OR6J1: variants seen among roughly 807,000 people sequenced by gnomAD.
The protein encoded by OR6J1 is olfactory receptor 6J1.
For missense variants in OR6J1, 304 were observed against 166.8 expected, an observed-to-expected ratio of 1.82 and a Z score of -4.53; for synonymous variants, 109 against 70.0, an observed-to-expected ratio of 1.56 and a Z score of -2.78.
In OR6J1 at chr14:22,634,165, G is replaced by GC; in HGVS notation, c.646_647insG (p.Ser216CysfsTer23). The GC allele has an allele frequency of 5.7e-6, 4 of 703,464 alleles. No homozygotes were observed. The highest frequency in any genetic ancestry group is 1.0e-5 in the Non-Finnish European group (4 of 384,990). The allele number at this position is 703,464 out of a possible 1,614,324, so 43.6% of individuals were successfully genotyped here. A position where few individuals can be genotyped will look rare whatever the true frequency, so the allele number is the denominator to read the frequency against. On this transcript the variant is annotated frameshift_variant, in exon 2 of 2. Coordinates refer to ENST00000540461, the MANE Select transcript of OR6J1 (RefSeq NM_001348233.2). LOFTEE classifies it low-confidence loss of function (END_TRUNC). ...TATGGTCAAGATGATGTACGTATAG[G>GC]AATAGGCCACGAGGACTATGCAGCA...
rs2037568870 is a variant in OR6J1, at chr14:22,634,387, C to T, written c.425G>A (p.Gly142Glu). The change falls in exon 2 of 2, where the codon GGG (glycine) becomes GAG (glutamate). Residue 142 changes from glycine to glutamate, a missense_variant. Gly to Glu is a moderately conservative substitution (Grantham distance 98, BLOSUM62 -2). Transcript: ENST00000540461. The stretch of plus-strand genomic sequence containing the variant: ...TCCCACCCAAGAGAATACAACGGTC[C>T]CAATGCAGACAGAAGGTCTCATGAT... ...TTIMRPSVCI[G>E]TVVFSWVGGF... The T allele has an allele frequency of 1.4e-6, 1 of 703,286 alleles. No homozygotes were observed. The highest frequency in any genetic ancestry group is 1.7e-5 in the African/African-American group (1 of 57,314). The allele number at this position is 703,286 out of a possible 1,614,324, so 43.6% of individuals were successfully genotyped here.
At chr14:22,643,764 C>CACACACACACACAGAG (rs1466950724) in intron 1 of OR6J1, among the ~76,000 whole-genome samples, 8 of 37,692 alleles carry the variant, frequency 2.1e-4, no homozygotes, top group Non-Finnish European at 2.5e-4. Context: ...CACACACACA[C>CACACACACACACAGAG]AGAGAGAGAG....
chr14:22,642,309 A>C, intron 1 of OR6J1, among the ~76,000 whole-genome samples: 1 of 130,218 alleles, frequency 7.7e-6, no homozygotes, highest in Non-Finnish European at 1.6e-5. Flanking sequence ...CAATCAACTT[A>C]AGAATATATA....
intron 1 of OR6J1, among the ~76,000 whole-genome samples, chr14:22,641,302 G>A (rs192066254): frequency 9.3e-5 from 5 of 53,652 alleles, no homozygotes; most frequent in Admixed American, 2.6e-4. Flanking sequence ...AAGAGAGACA[G>A]AGAGGAAAGA....
At position 22,633,979 on chromosome 14, in the gene OR6J1, C is replaced by G; in HGVS notation, c.833G>C (p.Ser278Thr). 1 of 702,880 alleles carries G rather than the reference C, an allele frequency of 1.4e-6. No homozygotes were observed. Among genetic ancestry groups the G allele is most frequent in the Non-Finnish European group, 2.6e-6 (1 of 384,846 alleles). 43.5% of individuals were successfully genotyped at this position (702,880 alleles called of 1,614,324 possible). The change falls in exon 2 of 2, where the codon AGT becomes ACT. Residue 278 changes from serine (S) to threonine (T), a missense_variant. Transcript: ENST00000540461. ...EINKIPLVLS[S>T]VVTPFLNPFI... is the part of the protein sequence containing the mutation. The stretch of plus-strand genomic sequence containing the variant: ...GGGGTTGAGGAATGGAGTCACCACA[C>G]TGCTCAGAACCAAAGGGATCTTGTT...
At chr14:22,636,277 T>C (rs1251952725) in intron 1 of OR6J1, among the ~76,000 whole-genome samples, 1 of 12 alleles carries the variant, frequency 0.083, no homozygotes, top group Non-Finnish European at 0.12. Flanking sequence ...TCCCTCTCCC[T>C]CTCCCTCTCC....
intron 1 of OR6J1, among the ~76,000 whole-genome samples, chr14:22,637,968 G>A (rs1278950691): frequency 1.1e-5 from 1 of 94,730 alleles, no homozygotes; most frequent in Non-Finnish European, 2.0e-5. Context: ...CTGCCCGGCC[G>A]CCCCTACTGG....
rs1262118673 is a variant in OR6J1 at position 22,636,887 on chromosome 14, A to G, written c.-27-2049T>C. Among the ~76,000 whole-genome samples, 17 of 116,890 alleles carry G rather than the reference A, an allele frequency of 1.5e-4. 1 individual carries two copies. The South Asian group carries it at 3.2e-3, about 22-fold the overall frequency. 76.7% of individuals were successfully genotyped at this position (116,890 alleles called of 152,430 possible). On this transcript the variant is annotated intron_variant, in intron 1 of 1. Transcript: ENST00000540461. ...TGCTTGGCCACCCATCGTCTGGGAT[A>G]TGAGGAGCCTCTCTGCCTGGCTGCC...
At chr14:22,639,848 G>C (rs1254326910) in intron 1 of OR6J1, among the ~76,000 whole-genome samples, 1 of 117,796 alleles carries the variant, frequency 8.5e-6, no homozygotes, top group African/African-American at 4.2e-5. Context: ...CAAACACTGC[G>C]GAAGGCCGCA....
intron 1 of OR6J1, among the ~76,000 whole-genome samples, chr14:22,639,048 G>A (rs1275245518): frequency 2.1e-5 from 2 of 96,128 alleles, no homozygotes; most frequent in South Asian, 3.2e-4. Context: ...GTCTCTGCCC[G>A]GCCGCCCCGT....
chr14:22,636,857 G>C lies in OR6J1; in HGVS notation c.-27-2019C>G, dbSNP rs1295763252. Among the ~76,000 whole-genome samples, 143 of 116,944 alleles carry C rather than the reference G, an allele frequency of 1.2e-3. 4 individuals carry two copies. Among genetic ancestry groups the C allele is most frequent in the Admixed American group, 2.5e-3 (32 of 12,942 alleles). The allele number at this position is 116,944 out of a possible 152,430, so 76.7% of individuals were successfully genotyped here. On this transcript the variant is annotated intron_variant, in intron 1 of 1. Coordinates refer to ENST00000540461, the MANE Select transcript of OR6J1 (RefSeq NM_001348233.2). ...CCACCCCGTCTGGGAAGTGAGGAGC[G>C]TCTCTGCTTGGCCACCCATCGTCTG...
Position 22,638,656 on chromosome 14 carries a change from A to T in OR6J1, c.-27-3818T>A, listed in dbSNP as rs1309196552. The stretch of plus-strand genomic sequence containing the variant: ...ACACCCAAGAATGATCAATAAAAAA[A>T]ATAAAAATAAAAAAAAAATAAAAAA... On this transcript the variant is annotated intron_variant, in intron 1 of 1. Transcript: ENST00000540461. Among the ~76,000 whole-genome samples the T allele has an allele frequency of 1.2e-3, 127 of 105,140 alleles. 7 individuals are homozygous for T. Among genetic ancestry groups the T allele is most frequent in the Non-Finnish European group, 2.0e-3 (93 of 47,650 alleles). 69.0% of individuals were successfully genotyped at this position (105,140 alleles called of 152,430 possible). A position where few individuals can be genotyped will look rare whatever the true frequency, so the allele number is the denominator to read the frequency against.
chr14:22,638,880 G>A (rs2037618333), intron 1 of OR6J1, among the ~76,000 whole-genome samples: 1 of 96,834 alleles, frequency 1.0e-5, no homozygotes, highest in Non-Finnish European at 2.2e-5. Context: ...GAAGTGAGGA[G>A]CGCCTCTTCC....
chr14:22,641,554 TA>T (rs1229170454), intron 1 of OR6J1, among the ~76,000 whole-genome samples: 1 of 114,110 alleles, frequency 8.8e-6, no homozygotes, highest in Non-Finnish European at 1.9e-5. Context: ...AAGGAAGAAA[TA>T]AAGAAAAAGA....
chr14:22,643,714 A>AACACACACACACACAC (rs1183889876), intron 1 of OR6J1, among the ~76,000 whole-genome samples: 3 of 84,002 alleles, frequency 3.6e-5, no homozygotes, highest in African/African-American at 1.3e-4. Context: ...GCATGGCAGA[A>AACACACACACACACAC]ACACACACAC....
chr14:22,638,554 C>A (rs1188206532), intron 1 of OR6J1, among the ~76,000 whole-genome samples: 3 of 100,038 alleles, frequency 3.0e-5, no homozygotes, highest in South Asian at 5.5e-4. Context: ...AAACCAGAGA[C>A]CTTTGTTCAC....
chr14:22,638,066 C>T (rs1274600486), intron 1 of OR6J1, among the ~76,000 whole-genome samples: 3 of 105,498 alleles, frequency 2.8e-5, no homozygotes, highest in South Asian at 5.4e-4. Context: ...CCGCCCCATC[C>T]GGGAGGTGAG....
chr14:22,633,941 G>C lies in OR6J1; in HGVS notation c.871C>G (p.Leu291Val). The change falls in exon 2 of 2, where the codon CTG becomes GTG. Residue 291 changes from leucine to valine, a missense_variant. Transcript: ENST00000540461. ...ACTCCCTGCACTGTGTCATTCCTCA[G>C]AGTATATATAAAGGGGTTGAGGAAT... ...TPFLNPFIYT[L>V]RNDTVQGVLR... 1.4e-6 allele frequency: 1 copy of C among 702,934 alleles called. No homozygotes were observed. Among genetic ancestry groups the C allele is most frequent in the South Asian group, 1.5e-5 (1 of 67,584 alleles). The allele number at this position is 702,934 out of a possible 1,614,324, so 43.5% of individuals were successfully genotyped here. A position where few individuals can be genotyped will look rare whatever the true frequency, so the allele number is the denominator to read the frequency against.
At chr14:22,638,669 AAAAAAT>A (rs2037615303) in intron 1 of OR6J1, among the ~76,000 whole-genome samples, 2 of 47,396 alleles carry the variant, frequency 4.2e-5, no homozygotes, top group Non-Finnish European at 7.9e-5. Flanking sequence ...AAAAATAAAA[AAAAAAT>A]AAAAAAAATT....
Sources: allele counts gnomAD v4.1 joint callset (sites outside exome capture counted in the v4.1 genomes callset), GRCh38; gene constraint gnomAD v4.1.1; transcripts MANE v1.5; gene names NCBI Gene and HGNC (gene_info 2026-07-23, HGNC 2026-07-21).